SAC3D1: variants seen among roughly 807,000 people sequenced by gnomAD.
The protein encoded by SAC3D1 is SAC3 domain-containing protein 1.
A neutral mutation model predicts 12.7 loss-of-function variants in SAC3D1; 10 were observed. The ratio of observed to expected loss-of-function variants is 0.79; its 90% CI spans 0.49 to 1.34. SAC3D1 has a LOEUF of 1.34. Ranked by LOEUF, SAC3D1 falls within the 40% of genes most tolerant of loss-of-function variation. The pLI is 0.00. For synonymous variants in SAC3D1, 241 were observed against 250.8 expected, an observed-to-expected ratio of 0.96 and a Z score of 0.37; for missense variants, 482 against 531.1, an observed-to-expected ratio of 0.91 and a Z score of 0.91.
Position 65,044,748 on chromosome 11 carries a change from A to G in SAC3D1, c.*21A>G, listed in dbSNP as rs1565214119. 1.9e-6 allele frequency: 3 copies of G among 1,606,256 alleles called. No individual in the cohort carries two copies. Among genetic ancestry groups the G allele is most frequent in the Non-Finnish European group, 8.5e-7 (1 of 1,175,832 alleles). On this transcript the variant is annotated 3_prime_UTR_variant, in exon 2 of 2. Coordinates refer to ENST00000652489, the MANE Select transcript of SAC3D1 (RefSeq NM_013299.4). This position sits in a 1 kb window ranked among gnomAD's most constrained non-coding sequence, Gnocchi z 4.0. ...CCTGAGGAGGGAGCGTGAGCCTCCCAGAGCCCCAGGACTGGGCCAGAGCAC... is the reference window on the plus strand; with the variant it reads ...CCTGAGGAGGGAGCGTGAGCCTCCCGGAGCCCCAGGACTGGGCCAGAGCAC...
At chr11:65,043,989 A>G (rs746865176) in intron 1 of SAC3D1, among the ~76,000 whole-genome samples, 22 of 152,358 alleles carry the variant, frequency 1.4e-4, no homozygotes, top group Non-Finnish European at 2.1e-4. Flanking sequence ...AACCCTGCCC[A>G]CTTCAGTGTT....
chr11:65,043,940 G>T (rs778108239), intron 1 of SAC3D1, among the ~76,000 whole-genome samples: 1 of 152,172 alleles, frequency 6.6e-6, no homozygotes, highest in Non-Finnish European at 1.5e-5. Flanking sequence ...ACTCTCAGGC[G>T]AATCATTCAA....
chr11:65,040,944 A>G (rs1341586004), upstream of SAC3D1: 6 of 343,700 alleles, frequency 1.7e-5, no homozygotes, highest in Non-Finnish European at 3.2e-5. Flanking sequence ...CCGGTGTATC[A>G]TGGGAGCGGC....
chr11:65,044,423 T>A lies in SAC3D1; in HGVS notation c.773T>A (p.Leu258Gln). 6.2e-7 allele frequency: 1 copy of A among 1,613,814 alleles called. No homozygotes were observed. The highest frequency in any genetic ancestry group is 8.5e-7 in the Non-Finnish European group (1 of 1,180,044). ...GTGGGCCATGCCCGCCGGGAAGCCC[T>A]GGCCCGCTTCGCTCGTGCCTTTAGC... ...CHVGHARREALARFARAFSTP... is the reference protein window; with the variant it reads ...CHVGHARREAQARFARAFSTP... The change falls in exon 2 of 2, where the codon CTG (leucine) becomes CAG (glutamine). Residue 258 changes from leucine to glutamine, a missense_variant. By Grantham distance (113) the Leu-to-Gln change is moderately radical. Around this residue, in one of 3 missense-constraint regions of SAC3D1, gnomAD observed 225 missense variants for 241.1 expected, o/e 0.93. Transcript: ENST00000652489. This position sits in a 1 kb window ranked among gnomAD's most constrained non-coding sequence, Gnocchi z 4.0.
rs1946676544 is a variant in SAC3D1, at chr11:65,044,550, CT to C, written c.902del (p.Leu301TrpfsTer10). On this transcript the variant is annotated frameshift_variant, in exon 2 of 2. Coordinates refer to ENST00000652489, the MANE Select transcript of SAC3D1 (RefSeq NM_013299.4). LOFTEE classifies it low-confidence loss of function (END_TRUNC). The surrounding 1 kb of genome is among the most constrained non-coding windows in gnomAD (Gnocchi z 4.0). The stretch of plus-strand genomic sequence containing the variant: ...ACCTGTGCCAGGCCCACGGGCTGCC[CT>C]TGGACGGAGAGGAGAGAGTTGTGTT... ...RDLCQAHGLP[L>X]DGEERVVFLR... 20 of 1,614,158 alleles carry C rather than the reference CT, an allele frequency of 1.2e-5. No individual in the cohort carries two copies. The highest frequency in any genetic ancestry group is 1.7e-5 in the Non-Finnish European group (20 of 1,180,026).
At chr11:65,043,987 C>G (rs1287244562) in intron 1 of SAC3D1, among the ~76,000 whole-genome samples, 1 of 152,200 alleles carries the variant, frequency 6.6e-6, no homozygotes, top group Non-Finnish European at 1.5e-5. Flanking sequence ...TAAACCCTGC[C>G]CACTTCAGTG....
At chr11:65,042,154 G>A (rs1012041911) in intron 1 of SAC3D1, among the ~76,000 whole-genome samples, 2 of 151,932 alleles carry the variant, frequency 1.3e-5, no homozygotes, top group Non-Finnish European at 2.9e-5. Context: ...CTGGAGTGCA[G>A]TGGCGCGATC....
rs1172896597 is a variant in SAC3D1 at position 65,044,091 on chromosome 11, G to T, written c.575-134G>T. ...AAGGAGCCAAAGGCTGGCCCTTAGAGGGGAGAGGGAAGTTGGGCTAGGCCT... is the reference window on the plus strand; with the variant it reads ...AAGGAGCCAAAGGCTGGCCCTTAGATGGGAGAGGGAAGTTGGGCTAGGCCT... On this transcript the variant is annotated intron_variant, in intron 1 of 1. Coordinates refer to ENST00000652489, the MANE Select transcript of SAC3D1 (RefSeq NM_013299.4). This position sits in a 1 kb window ranked among gnomAD's most constrained non-coding sequence, Gnocchi z 4.0. The T allele has an allele frequency of 9.7e-7, 1 of 1,028,994 alleles. No homozygotes were observed. Among genetic ancestry groups the T allele is most frequent in the Non-Finnish European group, 1.4e-6 (1 of 700,898 alleles). 63.7% of individuals were successfully genotyped at this position (1,028,994 alleles called of 1,614,324 possible).
chr11:65,043,505 G>T (rs1428028256), intron 1 of SAC3D1, among the ~76,000 whole-genome samples: 3 of 149,440 alleles, frequency 2.0e-5, no homozygotes, highest in Non-Finnish European at 4.4e-5. Flanking sequence ...CGTAATCCCA[G>T]CTACTCAGGA....
Position 65,044,459 on chromosome 11 carries a change from G to T in SAC3D1, c.809G>T (p.Gly270Val). 1 of 1,613,988 alleles carries T rather than the reference G, an allele frequency of 6.2e-7. No individual in the cohort carries two copies. Among genetic ancestry groups the T allele is most frequent in the Non-Finnish European group, 8.5e-7 (1 of 1,180,038 alleles). Reference sequence around the variant, plus strand: ...GCTCGTGCCTTTAGCACCCCCAAGGGCCAGACCTTGCCTCTGGGCTTCATG... The same window carrying T: ...GCTCGTGCCTTTAGCACCCCCAAGGTCCAGACCTTGCCTCTGGGCTTCATG... ...RFARAFSTPK[G>V]QTLPLGFMVN... Residue 270 changes from glycine (G) to valine (V), a missense_variant, in exon 2 of 2, where the codon GGC becomes GTC. Coordinates refer to ENST00000652489, the MANE Select transcript of SAC3D1 (RefSeq NM_013299.4). The surrounding 1 kb of genome is among the most constrained non-coding windows in gnomAD (Gnocchi z 4.0).
chr11:65,043,920 G>A (rs570160687), intron 1 of SAC3D1, among the ~76,000 whole-genome samples: 3 of 152,144 alleles, frequency 2.0e-5, no homozygotes, highest in Non-Finnish European at 4.4e-5. Flanking sequence ...CTACATACCC[G>A]CCCTAGGACA....
In SAC3D1 at chr11:65,041,572, C is replaced by G; in HGVS notation, c.280C>G (p.Arg94Gly). Residue 94 changes from arginine (R) to glycine (G), a missense_variant, in exon 1 of 2, where the codon CGC becomes GGC. This residue lies in a region of SAC3D1 where 197 missense variants were observed against 183.2 expected (regional missense o/e 1.08). Coordinates refer to ENST00000652489, the MANE Select transcript of SAC3D1 (RefSeq NM_013299.4). ...GEVAESADIA[R>G]AEVASFVADR... ...GGTGGCGGAGAGCGCCGACATCGCC[C>G]GCGCCGAGGTGGCCAGCTTCGTGGC... The G allele has an allele frequency of 6.8e-7, 1 of 1,477,712 alleles. No individual in the cohort carries two copies. The highest frequency in any genetic ancestry group is 1.3e-5 in the South Asian group (1 of 78,276). The allele number at this position is 1,477,712 out of a possible 1,614,324, so 91.5% of individuals were successfully genotyped here. A position where few individuals can be genotyped will look rare whatever the true frequency, so the allele number is the denominator to read the frequency against.
rs546496374 is a variant in SAC3D1 at position 65,041,244 on chromosome 11, C to G, written c.-49C>G. Reference sequence around the variant, plus strand: ...CGGCCTCGCGTGCCTTCCCGCAGCACTGCCGTCCCCGGGATGCTGAGCGCC... The same window carrying G: ...CGGCCTCGCGTGCCTTCCCGCAGCAGTGCCGTCCCCGGGATGCTGAGCGCC... On this transcript the variant is annotated 5_prime_UTR_variant, in exon 1 of 2. Coordinates refer to ENST00000652489, the MANE Select transcript of SAC3D1 (RefSeq NM_013299.4). 1,076 of 1,475,716 alleles carry G rather than the reference C, an allele frequency of 7.3e-4. 24 individuals are homozygous for G. The South Asian group carries it at 0.013, about 18-fold the overall frequency. The allele number at this position is 1,475,716 out of a possible 1,614,324, so 91.4% of individuals were successfully genotyped here. A position where few individuals can be genotyped will look rare whatever the true frequency, so the allele number is the denominator to read the frequency against.
chr11:65,041,751 G>A lies in SAC3D1; in HGVS notation c.459G>A (p.Leu153=), dbSNP rs1946608763. Reference sequence around the variant, plus strand: ...CGCGGGGACCCGCGGACCCGGTGCTGCTGCAGGCCCAGGTGCAGGAGGGCT... The same window carrying A: ...CGCGGGGACCCGCGGACCCGGTGCTACTGCAGGCCCAGGTGCAGGAGGGCT... ...DAARGPADPV[L]LQAQVQEGFG... The change falls in exon 1 of 2, where the codon CTG becomes CTA. Residue 153 remains leucine (L), a synonymous_variant. Transcript: ENST00000652489. The A allele has an allele frequency of 5.3e-6, 7 of 1,331,212 alleles. No individual in the cohort carries two copies. Among genetic ancestry groups the A allele is most frequent in the Admixed American group, 4.0e-5 (1 of 24,702 alleles). The allele number at this position is 1,331,212 out of a possible 1,614,324, so 82.5% of individuals were successfully genotyped here. A position where few individuals can be genotyped will look rare whatever the true frequency, so the allele number is the denominator to read the frequency against.
chr11:65,041,826 C>G lies in SAC3D1; in HGVS notation c.534C>G (p.Arg178=). Residue 178 remains arginine, a synonymous_variant, in exon 1 of 2, where the codon CGC becomes CGG. Transcript: ENST00000652489. The stretch of plus-strand genomic sequence containing the variant: ...CGCGGGGCGCCGGGCCGCACCCCCG[C>G]CAACCCGCCTTCCAGGGCCTCTTTC... The part of the protein sequence containing the change: ...CYARGAGPHP[R]QPAFQGLFLL... The G allele has an allele frequency of 6.8e-7, 1 of 1,468,684 alleles. No homozygotes were observed. The highest frequency in any genetic ancestry group is 9.0e-7 in the Non-Finnish European group (1 of 1,117,050). 91.0% of individuals were successfully genotyped at this position (1,468,684 alleles called of 1,614,324 possible).
At position 65,041,282 on chromosome 11, in the gene SAC3D1, G is replaced by T; in HGVS notation, c.-11G>T. 6.7e-7 allele frequency: 1 copy of T among 1,496,200 alleles called. No homozygotes were observed. The highest frequency in any genetic ancestry group is 8.8e-7 in the Non-Finnish European group (1 of 1,130,730). The allele number at this position is 1,496,200 out of a possible 1,614,324, so 92.7% of individuals were successfully genotyped here. A position where few individuals can be genotyped will look rare whatever the true frequency, so the allele number is the denominator to read the frequency against. ...GATGCTGAGCGCCCACCGTCTCCCC[G>T]CAGCCCCCTCATGCCCGGCTGCGAG... On this transcript the variant is annotated 5_prime_UTR_variant, in exon 1 of 2. Transcript: ENST00000652489.
In SAC3D1 at chr11:65,041,532, C is replaced by A; in HGVS notation, c.240C>A (p.Arg80=). 1 of 1,470,236 alleles carries A rather than the reference C, an allele frequency of 6.8e-7. No homozygotes were observed. The highest frequency in any genetic ancestry group is 1.3e-5 in the South Asian group (1 of 76,914). 91.1% of individuals were successfully genotyped at this position (1,470,236 alleles called of 1,614,324 possible). ...RPPSVLLATV[R]YLAGEVAESA... is the part of the protein sequence containing the mutation. ...CCTCCGTGCTGCTGGCCACCGTGCG[C>A]TACCTGGCCGGTGAGGTGGCGGAGA... Residue 80 remains arginine (R), a synonymous_variant, in exon 1 of 2, where the codon CGC becomes CGA. Coordinates refer to ENST00000652489, the MANE Select transcript of SAC3D1 (RefSeq NM_013299.4).
At chr11:65,043,890 T>C (rs1306896584) in intron 1 of SAC3D1, among the ~76,000 whole-genome samples, 2 of 152,122 alleles carry the variant, frequency 1.3e-5, no homozygotes, top group Non-Finnish European at 2.9e-5. Context: ...TCCGAAAACT[T>C]GGACTGGGGT....
chr11:65,041,166 C>G (rs1946585222), upstream of SAC3D1: 2 of 920,366 alleles, frequency 2.2e-6, no homozygotes, highest in Non-Finnish European at 3.2e-6. Flanking sequence ...GGCGGGAAGG[C>G]GGGCCCAGAC....
Sources: allele counts gnomAD v4.1 joint callset (sites outside exome capture counted in the v4.1 genomes callset), GRCh38; gene constraint gnomAD v4.1.1; regional missense constraint gnomAD v4.1.1; non-coding constraint Gnocchi (gnomAD v3.1); transcripts MANE v1.5; gene names NCBI Gene and HGNC (gene_info 2026-07-23, HGNC 2026-07-21).